The following ANKS1B variants were observed in gnomAD, a reference collection of about 807,000 sequenced individuals.
ANKS1B encodes ankyrin repeat and sterile alpha motif domain containing 1B.
Under a neutral mutation model 148.3 loss-of-function variants are expected in ANKS1B, and 36 were observed. The ratio of observed to expected loss-of-function variants is 0.24; its 90% CI spans 0.19 to 0.32. The LOEUF is 0.32. ANKS1B is among the 10% of genes least tolerant of loss of function. ANKS1B has a pLI of 1.00. For synonymous variants in ANKS1B, 542 were observed against 560.8 expected (o/e 0.97, Z 0.47); for missense variants, 1,157 against 1,542.6 (o/e 0.75, Z 4.19).
intron 1 of ANKS1B, among the ~76,000 whole-genome samples, chr12:99,955,852 G>A (rs2095315071): frequency 6.6e-6 from 1 of 152,130 alleles, no homozygotes; most frequent in African/African-American, 2.4e-5. Flanking sequence ...AATCAGATAT[G>A]TAAATAAGTA....
At chr12:98,940,153 T>G (rs1321972738) in intron 17 of ANKS1B, among the ~76,000 whole-genome samples, 1 of 152,106 alleles carries the variant, frequency 6.6e-6, no homozygotes. Flanking sequence ...TCCCATGGGG[T>G]CCACTGGCAG....
intron 8 of ANKS1B, among the ~76,000 whole-genome samples, chr12:99,668,419 A>T (rs1483688526): frequency 6.6e-6 from 1 of 150,386 alleles, no homozygotes; most frequent in African/African-American, 2.4e-5. Context: ...CTTTTATCTC[A>T]TTTTTTTTAA....
rs1351482668 is a variant in ANKS1B at position 98,816,420 on chromosome 12, C to T, written c.3067-8502G>A. Among the ~76,000 whole-genome samples the T allele has an allele frequency of 2.6e-5, 4 of 152,066 alleles. No individual in the cohort carries two copies. In the East Asian group the frequency reaches 5.8e-4, roughly 22 times the overall value. On this transcript the variant is annotated intron_variant, in intron 19 of 26. Coordinates refer to ENST00000683438, the MANE Select transcript of ANKS1B (RefSeq NM_001352186.2). ...AAATGATTCTTGTGCCTCAGCCTCCCGAGTAGCTGGGATTACAGGTGTGCA... is the reference window on the plus strand; with the variant it reads ...AAATGATTCTTGTGCCTCAGCCTCCTGAGTAGCTGGGATTACAGGTGTGCA...
At chr12:99,322,596 C>T (rs1394372606) in intron 12 of ANKS1B, among the ~76,000 whole-genome samples, 1 of 152,124 alleles carries the variant, frequency 6.6e-6, no homozygotes, top group Non-Finnish European at 1.5e-5. Flanking sequence ...CTGCCTGCAT[C>T]TACTTTTACC....
At position 98,751,220 on chromosome 12, in the gene ANKS1B, CAGG is replaced by C. The variant is rs2153395933; in HGVS notation, c.3747+132_3747+134del. The C allele has an allele frequency of 1.1e-6, 1 of 885,278 alleles. No individual in the cohort carries two copies. The highest frequency in any genetic ancestry group is 2.7e-5 in the East Asian group (1 of 37,452). The allele number at this position is 885,278 out of a possible 1,614,324, so 54.8% of individuals were successfully genotyped here. Reference sequence around the variant, plus strand: ...GGCAGAGGTGATGATGGACACATGCCAGGAGGAGGCCAAGGGAAAGGATGAAGA... The same window carrying C: ...GGCAGAGGTGATGATGGACACATGCCAGGAGGCCAAGGGAAAGGATGAAGA... On this transcript the variant is annotated intron_variant, in intron 26 of 26. Coordinates refer to ENST00000683438, the MANE Select transcript of ANKS1B (RefSeq NM_001352186.2). This position sits in a 1 kb window ranked among gnomAD's most constrained non-coding sequence, Gnocchi z 4.3.
chr12:99,918,390 A>G (rs978120129), intron 1 of ANKS1B, among the ~76,000 whole-genome samples: 2 of 152,208 alleles, frequency 1.3e-5, no homozygotes, highest in Non-Finnish European at 2.9e-5. Flanking sequence ...GAACACTTTC[A>G]CCAGAGAGTA....
chr12:99,454,036 A>C (rs2095804048), intron 10 of ANKS1B, among the ~76,000 whole-genome samples: 1 of 152,244 alleles, frequency 6.6e-6, no homozygotes, highest in Non-Finnish European at 1.5e-5. Context: ...ATTCCAGGCA[A>C]AGAAAACAGA....
At position 99,672,929 on chromosome 12, in the gene ANKS1B, A is replaced by G. The variant is rs2098545180; in HGVS notation, c.1129-17719T>C. ...ACAATAAAACTGGTTGAAATAAGAA[A>G]AGAATACATTATGAAATTTAAACTA... On this transcript the variant is annotated intron_variant, in intron 8 of 26. Transcript: ENST00000683438. Among the ~76,000 whole-genome samples, 5 of 152,148 alleles carry G rather than the reference A, an allele frequency of 3.3e-5. No individual in the cohort carries two copies. The South Asian group carries it at 1.0e-3, about 32-fold the overall frequency.
chr12:98,874,064 T>C (rs567318054), intron 17 of ANKS1B, among the ~76,000 whole-genome samples: 2 of 152,320 alleles, frequency 1.3e-5, no homozygotes, highest in East Asian at 3.9e-4. Flanking sequence ...TCTTTTCACT[T>C]TGACTACTGT....
intron 9 of ANKS1B, among the ~76,000 whole-genome samples, chr12:99,610,313 C>G (rs1226339055): frequency 6.6e-6 from 1 of 151,950 alleles, no homozygotes; most frequent in Non-Finnish European, 1.5e-5. Context: ...TGCAGTAAGG[C>G]CTGTCCTCAT....
At chr12:99,731,104 C>A (rs1488335972) in intron 8 of ANKS1B, among the ~76,000 whole-genome samples, 1 of 151,490 alleles carries the variant, frequency 6.6e-6, no homozygotes, top group East Asian at 1.9e-4. Context: ...CCACACCTGG[C>A]TAATTTTGTT....
At chr12:99,173,134 AGAAGAG>A (rs1361804602) in intron 14 of ANKS1B, among the ~76,000 whole-genome samples, 3 of 152,194 alleles carry the variant, frequency 2.0e-5, no homozygotes, top group African/African-American at 7.2e-5. Context: ...GTATGAACAC[AGAAGAG>A]GCACTGAATT....
chr12:99,963,049 G>A (rs925320019), intron 1 of ANKS1B, among the ~76,000 whole-genome samples: 1 of 152,044 alleles, frequency 6.6e-6, no homozygotes, highest in African/African-American at 2.4e-5. Context: ...TCCTGACCTC[G>A]TGATGCACCC....
chr12:99,382,535 C>G (rs2093681826), intron 12 of ANKS1B, among the ~76,000 whole-genome samples: 2 of 151,426 alleles, frequency 1.3e-5, no homozygotes, highest in African/African-American at 4.9e-5. Context: ...CTGTCTCTAC[C>G]AAAAAGACAA....
At chr12:99,937,840 T>G (rs952849315) in intron 1 of ANKS1B, among the ~76,000 whole-genome samples, 1 of 152,036 alleles carries the variant, frequency 6.6e-6, no homozygotes, top group Admixed American at 6.6e-5. Flanking sequence ...GTCTAGTAGG[T>G]GGGTGATGGT....
chr12:99,413,284 A>C (rs1242320553), intron 11 of ANKS1B, among the ~76,000 whole-genome samples: 2 of 152,210 alleles, frequency 1.3e-5, no homozygotes, highest in Non-Finnish European at 2.9e-5. Context: ...AGTGGGAGAG[A>C]TGAAATTAAA....
At chr12:99,509,565 T>G (rs994216373) in intron 9 of ANKS1B, among the ~76,000 whole-genome samples, 16 of 151,994 alleles carry the variant, frequency 1.1e-4, no homozygotes, top group African/African-American at 3.9e-4. Flanking sequence ...TTTAATTCAA[T>G]GAAGGCTGCC....
At chr12:99,870,175 T>C (rs2091321629) in intron 1 of ANKS1B, among the ~76,000 whole-genome samples, 1 of 152,214 alleles carries the variant, frequency 6.6e-6, no homozygotes. Context: ...CTCCCACCTA[T>C]AAGTGAGAAC....
intron 17 of ANKS1B, among the ~76,000 whole-genome samples, chr12:98,952,924 T>A (rs575396946): frequency 6.6e-6 from 1 of 152,230 alleles, no homozygotes; most frequent in African/African-American, 2.4e-5. Context: ...AGTGGTGCGA[T>A]CATGGCTCAC....
Sources: allele counts gnomAD v4.1 joint callset (sites outside exome capture counted in the v4.1 genomes callset), GRCh38; gene constraint gnomAD v4.1.1; non-coding constraint Gnocchi (gnomAD v3.1); transcripts MANE v1.5; gene names NCBI Gene and HGNC (gene_info 2026-07-23, HGNC 2026-07-21).